The following PARN variants were observed in gnomAD, a reference collection of about 807,000 sequenced individuals.
PARN encodes the protein poly(A)-specific ribonuclease PARN.
PARN carries 71 observed loss-of-function variants against 102.8 expected under a neutral mutation model. The observed-to-expected ratio is 0.69, with a 90% CI of 0.57 to 0.84. PARN has a LOEUF of 0.84. Ranked by LOEUF, PARN falls within the 40% of genes least tolerant of loss-of-function variation. The pLI is 0.00. For missense variants in PARN, 782 were observed against 760.9 expected (o/e 1.03, Z -0.33); for synonymous variants, 261 against 252.9 (o/e 1.03, Z -0.30).
chr16:14,442,613 CTTTG>C (rs1185018386), intron 23 of PARN, among the ~76,000 whole-genome samples: 3 of 139,784 alleles, frequency 2.1e-5, no homozygotes, highest in East Asian at 2.5e-4. Flanking sequence ...CTCTCTCTTT[CTTTG>C]TTTCTTTCTT....
intron 21 of PARN, among the ~76,000 whole-genome samples, chr16:14,500,871 G>T (rs530977754): frequency 6.6e-6 from 1 of 152,016 alleles, no homozygotes. Context: ...GCAGTTAGAG[G>T]CCTTTACCAA....
intron 22 of PARN, among the ~76,000 whole-genome samples, chr16:14,457,589 G>A (rs1398396044): frequency 6.6e-6 from 1 of 151,790 alleles, no homozygotes; most frequent in African/African-American, 2.4e-5. Flanking sequence ...CACTTGAGGT[G>A]GAGTTCGAGA....
intron 21 of PARN, among the ~76,000 whole-genome samples, chr16:14,530,975 T>TCATCCATC (rs56403427): frequency 0.14 from 21,854 of 151,442 alleles, 2,009 homozygotes; most frequent in Middle Eastern, 0.23. Flanking sequence ...ATTCATTCAT[T>TCATCCATC]CATCCATCCA....
intron 22 of PARN, among the ~76,000 whole-genome samples, chr16:14,451,718 T>G (rs143181123): frequency 0.028 from 4,287 of 151,524 alleles, 82 homozygotes; most frequent in Non-Finnish European, 0.041. Flanking sequence ...TTGTCAAAAC[T>G]TCTATCTTGG....
At chr16:14,603,207 C>T (rs1970981022) in intron 11 of PARN, among the ~76,000 whole-genome samples, 1 of 152,160 alleles carries the variant, frequency 6.6e-6, no homozygotes, top group African/African-American at 2.4e-5. Context: ...CGATTACAGT[C>T]ATGAGCCATC....
intron 22 of PARN, among the ~76,000 whole-genome samples, chr16:14,475,820 C>A (rs966650681): frequency 2.0e-5 from 3 of 152,148 alleles, no homozygotes; most frequent in African/African-American, 7.2e-5. Flanking sequence ...ATATCTATGC[C>A]ATTTCCCCCA....
chr16:14,558,718 C>G (rs1244224898), intron 18 of PARN, among the ~76,000 whole-genome samples: 1 of 152,010 alleles, frequency 6.6e-6, no homozygotes, highest in Non-Finnish European at 1.5e-5. Context: ...ACATGGATAA[C>G]TTATAATTCT....
chr16:14,612,253 A>G (rs1482461247), intron 6 of PARN, among the ~76,000 whole-genome samples: 2 of 152,086 alleles, frequency 1.3e-5, no homozygotes, highest in Admixed American at 6.5e-5. Flanking sequence ...CCTGGCCAAC[A>G]TGGTGAAACC....
chr16:14,512,555 T>C (rs779763837), intron 21 of PARN, among the ~76,000 whole-genome samples: 2 of 152,102 alleles, frequency 1.3e-5, no homozygotes, highest in African/African-American at 4.8e-5. Flanking sequence ...TAAAGACACC[T>C]GGGGGAATGG....
chr16:14,598,805 G>A (rs1167473589), intron 12 of PARN, among the ~76,000 whole-genome samples: 2 of 152,136 alleles, frequency 1.3e-5, no homozygotes, highest in Non-Finnish European at 2.9e-5. Context: ...GCCTGCAGCT[G>A]GCAGTGAGAC....
chr16:14,461,542 CT>C (rs1677693027), intron 22 of PARN, among the ~76,000 whole-genome samples: 1 of 152,168 alleles, frequency 6.6e-6, no homozygotes, highest in Non-Finnish European at 1.5e-5. Flanking sequence ...AAAGTTTGTG[CT>C]GGCGTTACTT....
chr16:14,563,219 A>T (rs903150268), intron 18 of PARN, among the ~76,000 whole-genome samples: 24 of 152,228 alleles, frequency 1.6e-4, no homozygotes, highest in Non-Finnish European at 5.9e-5. Flanking sequence ...TTTGCTCCTG[A>T]GGCAGCAGGC....
At position 14,435,896 on chromosome 16, in the gene PARN, TCACACA is replaced by T. The variant is rs71373026; in HGVS notation, c.*815_*820del. 0.1 allele frequency: 13,448 copies of T among 131,038 alleles called. 688 individuals are homozygous for T. Among genetic ancestry groups the T allele is most frequent in the Non-Finnish European group, 0.11 (7,122 of 62,742 alleles). 8.1% of individuals were successfully genotyped at this position (131,038 alleles called of 1,614,324 possible). A position where few individuals can be genotyped will look rare whatever the true frequency, so the allele number is the denominator to read the frequency against. On this transcript the variant is annotated 3_prime_UTR_variant, in exon 24 of 24. Transcript: ENST00000437198. ...GGACATGTTGTAGATTTGCACGATT[TCACACA>T]CACACACACACACACACACACACAC...
intron 18 of PARN, among the ~76,000 whole-genome samples, chr16:14,572,675 C>T (rs988220461): frequency 2.6e-5 from 4 of 152,154 alleles, no homozygotes; most frequent in African/African-American, 9.7e-5. Flanking sequence ...CTATTACGTA[C>T]CAATGTGACA....
intron 6 of PARN, among the ~76,000 whole-genome samples, chr16:14,614,344 G>C (rs1035210130): frequency 6.6e-6 from 1 of 152,156 alleles, no homozygotes; most frequent in Non-Finnish European, 1.5e-5. Flanking sequence ...GAGGACTAAA[G>C]AGAGATAGAA....
Position 14,555,692 on chromosome 16 carries a change from A to G in PARN, c.1280T>C (p.Val427Ala). ...CAAGTTTAGATAGGGGATATCCATG[A>G]CCCTCATAAGAAATAACCTACAAGA... ...PFFNKLFLMR[V>A]MDIPYLNLEG... is the part of the protein sequence containing the mutation. The change falls in exon 19 of 24, where the codon GTC (valine) becomes GCC (alanine). Residue 427 changes from valine to alanine, a missense_variant. Transcript: ENST00000437198. The G allele has an allele frequency of 2.0e-6, 3 of 1,488,308 alleles. No homozygotes were observed. The highest frequency in any genetic ancestry group is 2.7e-6 in the Non-Finnish European group (3 of 1,095,278). The allele number at this position is 1,488,308 out of a possible 1,614,324, so 92.2% of individuals were successfully genotyped here.
At chr16:14,615,974 G>A (rs1014352949) in intron 6 of PARN, among the ~76,000 whole-genome samples, 1 of 151,848 alleles carries the variant, frequency 6.6e-6, no homozygotes, top group Non-Finnish European at 1.5e-5. Flanking sequence ...CTGAGAATAG[G>A]AGAATTCATT....
chr16:14,509,938 G>A (rs1446383619), intron 21 of PARN, among the ~76,000 whole-genome samples: 1 of 152,196 alleles, frequency 6.6e-6, no homozygotes, highest in Non-Finnish European at 1.5e-5. Flanking sequence ...TGAGGGCCTG[G>A]TTGATTCTAA....
chr16:14,560,194 A>T (rs1035595047), intron 18 of PARN, among the ~76,000 whole-genome samples: 1 of 152,242 alleles, frequency 6.6e-6, no homozygotes, highest in Non-Finnish European at 1.5e-5. Flanking sequence ...CTAGGCAAGC[A>T]GAAATGCTGA....
Sources: allele counts gnomAD v4.1 joint callset (sites outside exome capture counted in the v4.1 genomes callset), GRCh38; gene constraint gnomAD v4.1.1; transcripts MANE v1.5; gene names NCBI Gene and HGNC (gene_info 2026-07-23, HGNC 2026-07-21).